Variants in ST8SIA6 observed in about 807,000 individuals in gnomAD.
ST8SIA6 encodes the protein alpha-2,8-sialyltransferase 8F.
ST8SIA6 carries 39 observed loss-of-function variants against 33.6 expected under a neutral mutation model. The observed-to-expected ratio is 1.16, with a 90% CI of 0.90 to 1.52. The LOEUF (loss-of-function observed/expected upper bound fraction) is 1.52. Among genes scored for constraint, ST8SIA6 ranks in the 40% most tolerant of loss-of-function variants. The pLI is 0.00. For missense variants in ST8SIA6, 441 were observed against 443.8 expected (o/e 0.99, Z 0.06); for synonymous variants, 172 against 167.2 (o/e 1.03, Z -0.22).
chr10:17,434,411 G>A (rs1852189606), intron 2 of ST8SIA6, among the ~76,000 whole-genome samples: 1 of 152,160 alleles, frequency 6.6e-6, no homozygotes. Context: ...TAAGATAAGA[G>A]CACAGGTTTC....
At chr10:17,445,811 G>A (rs1225309818) in intron 2 of ST8SIA6, among the ~76,000 whole-genome samples, 2 of 152,150 alleles carry the variant, frequency 1.3e-5, no homozygotes, top group African/African-American at 2.4e-5. Flanking sequence ...AGAGGGTGGT[G>A]GATACTGGGA....
chr10:17,441,064 T>C (rs1852472937), intron 2 of ST8SIA6, among the ~76,000 whole-genome samples: 1 of 152,240 alleles, frequency 6.6e-6, no homozygotes, highest in African/African-American at 2.4e-5. Flanking sequence ...TATGTTTTTA[T>C]ATTCTTAATG....
At chr10:17,398,583 A>G (rs1400276560) in intron 2 of ST8SIA6, among the ~76,000 whole-genome samples, 1 of 152,202 alleles carries the variant, frequency 6.6e-6, no homozygotes, top group African/African-American at 2.4e-5. Flanking sequence ...AATATCCCAA[A>G]TTCTATTTAC....
intron 2 of ST8SIA6, among the ~76,000 whole-genome samples, chr10:17,407,662 C>T: frequency 6.6e-6 from 1 of 152,208 alleles, no homozygotes; most frequent in South Asian, 2.1e-4. Context: ...CCATGACTGG[C>T]TTACTGTGTG....
chr10:17,343,152 T>C (rs1361293808), intron 4 of ST8SIA6, among the ~76,000 whole-genome samples: 2 of 152,152 alleles, frequency 1.3e-5, no homozygotes, highest in African/African-American at 4.8e-5. Flanking sequence ...CAGCCTGTCC[T>C]CTTCTTGCTC....
chr10:17,359,713 G>T (rs1386974179), intron 3 of ST8SIA6, 113 bp from the exon 4 acceptor site: 1 of 525,978 alleles, frequency 1.9e-6, no homozygotes. Flanking sequence ...TTGATATAAG[G>T]TGAGGCAGAA....
chr10:17,333,727 T>A (rs1456670707), intron 4 of ST8SIA6, among the ~76,000 whole-genome samples: 15 of 97,890 alleles, frequency 1.5e-4, no homozygotes, highest in Non-Finnish European at 2.7e-4. Flanking sequence ...ATTTTTTTTT[T>A]TTTTTTTTTT....
Position 17,454,197 on chromosome 10 carries a change from A to T in ST8SIA6, c.59T>A (p.Leu20Gln). 1 of 227,596 alleles carries T rather than the reference A, an allele frequency of 4.4e-6. No individual in the cohort carries two copies. The highest frequency in any genetic ancestry group is 9.2e-5 in the East Asian group (1 of 10,836). 14.1% of individuals were successfully genotyped at this position (227,596 alleles called of 1,614,324 possible). Residue 20 changes from leucine to glutamine, a missense_variant, in exon 1 of 8, where the codon CTG becomes CAG. Coordinates refer to ENST00000377602, the MANE Select transcript of ST8SIA6 (RefSeq NM_001004470.3). This position sits in a 1 kb window ranked among gnomAD's most constrained non-coding sequence, Gnocchi z 4.1. ...GTCTGCCGGGCACCAGAGCAGGCGC[A>T]GCAGCAGCAGCAGCAGCAGGCTGGC... The part of the protein sequence containing the change: ...LLASLLLLLL[L>Q]RLLWCPADAP...
Position 17,317,179 on chromosome 10 carries a change from A to C in ST8SIA6, c.*3699T>G, listed in dbSNP as rs905584382. 6.6e-6 allele frequency among the ~76,000 whole-genome samples: 1 copy of C among 152,200 alleles called. No individual in the cohort carries two copies. Among genetic ancestry groups the C allele is most frequent in the Non-Finnish European group, 1.5e-5 (1 of 68,040 alleles). Reference sequence around the variant, plus strand: ...TCTCCATAGAGTGAGCCAATGTTTCAATATTATCTGCTAAAGAGTTTGCCC... The same window carrying C: ...TCTCCATAGAGTGAGCCAATGTTTCCATATTATCTGCTAAAGAGTTTGCCC... On this transcript the variant is annotated 3_prime_UTR_variant, in exon 8 of 8. Coordinates refer to ENST00000377602, the MANE Select transcript of ST8SIA6 (RefSeq NM_001004470.3).
chr10:17,349,933 TAAAC>T (rs1478604251), intron 4 of ST8SIA6, among the ~76,000 whole-genome samples: 2 of 128,420 alleles, frequency 1.6e-5, no homozygotes, highest in Admixed American at 7.6e-5. Context: ...GTAAATTAAA[TAAAC>T]ACACACACAC....
At chr10:17,390,104 C>T (rs932780785) in intron 3 of ST8SIA6, among the ~76,000 whole-genome samples, 1 of 152,174 alleles carries the variant, frequency 6.6e-6, no homozygotes, top group South Asian at 2.1e-4. Context: ...ATCCTCCTGG[C>T]TCCGCCTCTT....
In ST8SIA6 at chr10:17,316,665, A is replaced by G. The variant is rs1162025076; in HGVS notation, c.*4213T>C. 6.6e-6 allele frequency among the ~76,000 whole-genome samples: 1 copy of G among 152,162 alleles called. No homozygotes were observed. Among genetic ancestry groups the G allele is most frequent in the African/African-American group, 2.4e-5 (1 of 41,458 alleles). The stretch of plus-strand genomic sequence containing the variant: ...GACCTTACTCATTTTTACCAATGCA[A>G]TGGATGTAGTATCTCACTTTCATTT... On this transcript the variant is annotated 3_prime_UTR_variant, in exon 8 of 8. Coordinates refer to ENST00000377602, the MANE Select transcript of ST8SIA6 (RefSeq NM_001004470.3).
chr10:17,431,420 A>C (rs996367053), intron 2 of ST8SIA6, among the ~76,000 whole-genome samples: 8 of 152,342 alleles, frequency 5.3e-5, no homozygotes, highest in African/African-American at 1.9e-4. Context: ...CCAATTTGAA[A>C]GCAGTTATTT....
At chr10:17,423,881 A>T (rs10904953) in intron 2 of ST8SIA6, among the ~76,000 whole-genome samples, 75,291 of 152,004 alleles carry the variant, frequency 0.5, 19,215 homozygotes, top group African/African-American at 0.61. Context: ...AACTAAAGTG[A>T]TGCAGAAACC....
At chr10:17,338,763 G>T (rs956812214) in intron 4 of ST8SIA6, among the ~76,000 whole-genome samples, 19 of 152,176 alleles carry the variant, frequency 1.2e-4, no homozygotes, top group African/African-American at 4.3e-4. Flanking sequence ...GAAGCCTCTG[G>T]CTTGCTGCGA....
At chr10:17,324,498 CAT>C (rs1312154378) in intron 6 of ST8SIA6, among the ~76,000 whole-genome samples, 1 of 151,804 alleles carries the variant, frequency 6.6e-6, no homozygotes, top group Non-Finnish European at 1.5e-5. Flanking sequence ...AGAACAGTCT[CAT>C]ATTCTTCTGA....
intron 6 of ST8SIA6, among the ~76,000 whole-genome samples, chr10:17,323,414 T>TC (rs1848027373): frequency 7.2e-6 from 1 of 138,614 alleles, no homozygotes; most frequent in African/African-American, 2.5e-5. Flanking sequence ...TTTTTTTTTT[T>TC]AAGGCAGAGT....
At chr10:17,419,672 G>C (rs1354048183) in intron 2 of ST8SIA6, among the ~76,000 whole-genome samples, 1 of 152,186 alleles carries the variant, frequency 6.6e-6, no homozygotes, top group Non-Finnish European at 1.5e-5. Flanking sequence ...GAAAAAAGGA[G>C]CTGTTCTGAT....
chr10:17,331,940 C>CCCTTTG (rs1438778658), intron 4 of ST8SIA6, among the ~76,000 whole-genome samples: 3 of 152,166 alleles, frequency 2.0e-5, no homozygotes, highest in Non-Finnish European at 4.4e-5. Flanking sequence ...CCAATGCTCT[C>CCCTTTG]CCTCCCCTTG....
Sources: allele counts gnomAD v4.1 joint callset (sites outside exome capture counted in the v4.1 genomes callset), GRCh38; gene constraint gnomAD v4.1.1; non-coding constraint Gnocchi (gnomAD v3.1); transcripts MANE v1.5; gene names NCBI Gene and HGNC (gene_info 2026-07-23, HGNC 2026-07-21).